IQCJ: variants seen among roughly 807,000 people sequenced by gnomAD.
The protein encoded by IQCJ is IQ domain-containing protein J.
A neutral mutation model predicts 11.0 loss-of-function variants in IQCJ; 9 were observed. The ratio of observed to expected loss-of-function variants is 0.82; its 90% CI spans 0.49 to 1.43. The LOEUF (loss-of-function observed/expected upper bound fraction) is 1.43, where lower values mean the gene tolerates loss of function less well. IQCJ is among the 40% of genes most tolerant of loss of function. The pLI, the probability that IQCJ is intolerant of heterozygous loss-of-function variation, is 0.00. For synonymous variants in IQCJ, 55 were observed against 51.3 expected (o/e 1.07, Z -0.31); for missense variants, 146 against 133.2 (o/e 1.10, Z -0.47).
chr3:159,186,176 G>T lies in IQCJ; in HGVS notation c.10-59667G>T, dbSNP rs148562567. On this transcript the variant is annotated intron_variant, in intron 1 of 3. Coordinates refer to ENST00000397832, the MANE Select transcript of IQCJ (RefSeq NM_001042706.3). ...TGACTTAGTGAGGGATGAACTTTAG[G>T]GTATGGGGTGAGTCTGATTGGTCTA... Among the ~76,000 whole-genome samples, 293 of 152,118 alleles carry T rather than the reference G, an allele frequency of 1.9e-3. 1 individual carries two copies. Among genetic ancestry groups the T allele is most frequent in the African/African-American group, 6.9e-3 (286 of 41,484 alleles).
intron 1 of IQCJ, among the ~76,000 whole-genome samples, chr3:159,232,810 C>T (rs1305605087): frequency 1.3e-5 from 2 of 152,054 alleles, no homozygotes; most frequent in African/African-American, 4.8e-5. Context: ...CTAATATTGA[C>T]AGTGGGGTGT....
chr3:159,248,509 A>G (rs1456784793), intron 2 of IQCJ, among the ~76,000 whole-genome samples: 1 of 152,202 alleles, frequency 6.6e-6, no homozygotes, highest in East Asian at 1.9e-4. Context: ...CTTTTCTTTT[A>G]TAGAGATTAC....
intron 1 of IQCJ, among the ~76,000 whole-genome samples, chr3:159,089,748 A>C (rs6441249): frequency 0.92 from 139,136 of 151,500 alleles, 64,119 homozygotes; most frequent in East Asian, 1. Flanking sequence ...ACGTAGTTCT[A>C]GAGCCTTGGT....
At chr3:159,259,056 A>G (rs1728059546) in intron 3 of IQCJ, among the ~76,000 whole-genome samples, 1 of 152,182 alleles carries the variant, frequency 6.6e-6, no homozygotes, top group African/African-American at 2.4e-5. Flanking sequence ...TAAGCACCCT[A>G]GCTCTCTGGG....
intron 1 of IQCJ, among the ~76,000 whole-genome samples, chr3:159,203,920 C>A (rs1386165476): frequency 6.6e-6 from 1 of 152,074 alleles, no homozygotes; most frequent in Admixed American, 6.5e-5. Context: ...GGTAAGAGGG[C>A]AGGTTCCTCA....
intron 1 of IQCJ, among the ~76,000 whole-genome samples, chr3:159,182,121 T>C (rs1052506160): frequency 2.6e-5 from 4 of 151,892 alleles, no homozygotes; most frequent in Non-Finnish European, 5.9e-5. Flanking sequence ...CTCAGTTTCC[T>C]TGCTGTTTTT....
At chr3:159,246,149 A>G (rs571089848) in intron 2 of IQCJ, among the ~76,000 whole-genome samples, 5 of 152,154 alleles carry the variant, frequency 3.3e-5, no homozygotes, top group Admixed American at 1.3e-4. Context: ...TTCTGGTGGT[A>G]TGTCTGAGGG....
chr3:159,120,613 G>C (rs1219036982), intron 1 of IQCJ, among the ~76,000 whole-genome samples: 2 of 152,200 alleles, frequency 1.3e-5, no homozygotes, highest in Non-Finnish European at 2.9e-5. Flanking sequence ...ATAAATCAAT[G>C]CTGTACTGAA....
intron 1 of IQCJ, among the ~76,000 whole-genome samples, chr3:159,184,748 T>C (rs1174233946): frequency 1.3e-5 from 2 of 152,218 alleles, no homozygotes; most frequent in Non-Finnish European, 2.9e-5. Flanking sequence ...AATCTTGAAA[T>C]TGATCTGGTA....
chr3:159,210,809 A>G (rs1245521599), intron 1 of IQCJ, among the ~76,000 whole-genome samples: 1 of 152,056 alleles, frequency 6.6e-6, no homozygotes, highest in Admixed American at 6.5e-5. Context: ...TAGCTGGATT[A>G]CAGGCATGTG....
chr3:159,070,792 C>A (rs560792399), intron 1 of IQCJ, among the ~76,000 whole-genome samples: 1 of 152,078 alleles, frequency 6.6e-6, no homozygotes, highest in East Asian at 1.9e-4. Context: ...GGTAGTGATA[C>A]TTGAAAATGG....
intron 1 of IQCJ, among the ~76,000 whole-genome samples, chr3:159,117,869 G>A (rs1719120341): frequency 6.6e-6 from 1 of 151,892 alleles, no homozygotes; most frequent in Admixed American, 6.6e-5. Context: ...AACTTACCCG[G>A]CATCAGGTTT....
At chr3:159,127,843 T>C (rs1332888076) in intron 1 of IQCJ, among the ~76,000 whole-genome samples, 1 of 152,216 alleles carries the variant, frequency 6.6e-6, no homozygotes, top group Non-Finnish European at 1.5e-5. Context: ...CTTTGGGTTT[T>C]TTTGTACAAC....
Position 159,093,681 on chromosome 3 carries a change from A to C in IQCJ, c.9+24240A>C, listed in dbSNP as rs1266918689. Among the ~76,000 whole-genome samples, 3 of 151,878 alleles carry C rather than the reference A, an allele frequency of 2.0e-5. No homozygotes were observed. The East Asian group carries it at 5.8e-4, about 29-fold the overall frequency. The stretch of plus-strand genomic sequence containing the variant: ...GGTAGTTTATAAAGGAAAGAGGTTT[A>C]ATTGACTCACAGTTCTGCATGGCTG... On this transcript the variant is annotated intron_variant, in intron 1 of 3. Coordinates refer to ENST00000397832, the MANE Select transcript of IQCJ (RefSeq NM_001042706.3).
At chr3:159,264,632 T>G (rs542191264), downstream of IQCJ, among the ~76,000 whole-genome samples, 61 of 152,218 alleles carry the variant, frequency 4.0e-4, no homozygotes, top group African/African-American at 1.3e-3. Context: ...TGATTGCCTA[T>G]AAAAAGTGAG....
At chr3:159,162,657 A>C (rs1721931787) in intron 1 of IQCJ, among the ~76,000 whole-genome samples, 1 of 152,222 alleles carries the variant, frequency 6.6e-6, no homozygotes, top group Non-Finnish European at 1.5e-5. Flanking sequence ...AAGGATCAAC[A>C]AAATTGATAG....
intron 1 of IQCJ, among the ~76,000 whole-genome samples, chr3:159,157,601 A>G (rs6788475): frequency 0.71 from 107,635 of 152,020 alleles, 39,490 homozygotes; most frequent in African/African-American, 0.91. Context: ...TTTAATATAT[A>G]CCTATAGGTA....
At chr3:159,117,492 G>C (rs1396366241) in intron 1 of IQCJ, among the ~76,000 whole-genome samples, 3 of 152,100 alleles carry the variant, frequency 2.0e-5, no homozygotes, top group Non-Finnish European at 2.9e-5. Flanking sequence ...ATAAAACGTT[G>C]AGTTCATTGT....
At chr3:159,179,557 G>A (rs1722974493) in intron 1 of IQCJ, among the ~76,000 whole-genome samples, 1 of 152,056 alleles carries the variant, frequency 6.6e-6, no homozygotes, top group African/African-American at 2.4e-5. Context: ...TCTTCTCACT[G>A]GAATCTATTA....
Sources: gnomAD v4.1 joint callset for allele counts (sites outside exome capture counted in the v4.1 genomes callset) on GRCh38, gnomAD v4.1.1 for gene constraint, MANE v1.5 for transcripts, NCBI Gene and HGNC (gene_info 2026-07-23, HGNC 2026-07-21) for gene names.